PDZRN4: variants seen among roughly 807,000 people sequenced by gnomAD.
PDZRN4 encodes PDZ domain containing ring finger 4.
PDZRN4 carries 70 observed loss-of-function variants against 99.0 expected under a neutral mutation model. The ratio of observed to expected loss-of-function variants is 0.71; its 90% confidence interval spans 0.58 to 0.86. The LOEUF is 0.86. PDZRN4 is among the 40% of genes least tolerant of loss of function. PDZRN4 has a pLI of 0.00. For missense variants in PDZRN4, 1,474 were observed against 1,331.2 expected (o/e 1.11, Z -1.67); for synonymous variants, 551 against 501.6 (o/e 1.10, Z -1.32).
chr12:41,474,533 A>T (rs569706986), intron 3 of PDZRN4, among the ~76,000 whole-genome samples: 41 of 152,332 alleles, frequency 2.7e-4, no homozygotes, highest in African/African-American at 9.4e-4. Flanking sequence ...GATGGAGTTG[A>T]AACTCAAACA....
At chr12:41,418,349 A>G (rs1952461189) in intron 3 of PDZRN4, among the ~76,000 whole-genome samples, 1 of 152,226 alleles carries the variant, frequency 6.6e-6, no homozygotes, top group African/African-American at 2.4e-5. Flanking sequence ...TCTGAAAAGC[A>G]TAACTGGAAG....
intron 3 of PDZRN4, among the ~76,000 whole-genome samples, chr12:41,253,274 T>A (rs1334878468): frequency 6.6e-6 from 1 of 152,186 alleles, no homozygotes; most frequent in Non-Finnish European, 1.5e-5. Flanking sequence ...TTTCTCCCAA[T>A]GTTTTCTTCT....
chr12:41,239,011 T>A (rs1951086970), intron 3 of PDZRN4, among the ~76,000 whole-genome samples: 1 of 152,144 alleles, frequency 6.6e-6, no homozygotes, highest in Non-Finnish European at 1.5e-5. Flanking sequence ...GACACCTACA[T>A]GCATATATTC....
chr12:41,205,948 G>A (rs945165839), intron 3 of PDZRN4, among the ~76,000 whole-genome samples: 2 of 151,820 alleles, frequency 1.3e-5, no homozygotes, highest in African/African-American at 4.8e-5. Flanking sequence ...TCACACAATA[G>A]CTATTCTTTA....
chr12:41,204,158 C>T (rs1950833761), intron 3 of PDZRN4, among the ~76,000 whole-genome samples: 1 of 151,934 alleles, frequency 6.6e-6, no homozygotes, highest in African/African-American at 2.4e-5. Flanking sequence ...AGTCCACTAC[C>T]ACAGAGGTTA....
intron 3 of PDZRN4, among the ~76,000 whole-genome samples, chr12:41,321,175 A>G (rs1299035882): frequency 6.6e-6 from 1 of 152,156 alleles, no homozygotes; most frequent in Non-Finnish European, 1.5e-5. Flanking sequence ...TCTGCTGTTT[A>G]TGTCACAAAA....
intron 3 of PDZRN4, among the ~76,000 whole-genome samples, chr12:41,474,692 G>A (rs757695486): frequency 1.7e-4 from 26 of 152,150 alleles, no homozygotes; most frequent in Non-Finnish European, 2.5e-4. Flanking sequence ...ATGGGAAGTC[G>A]GGTGGAGGAT....
intron 3 of PDZRN4, among the ~76,000 whole-genome samples, chr12:41,473,032 C>T (rs1038143118): frequency 6.6e-6 from 1 of 151,800 alleles, no homozygotes; most frequent in African/African-American, 2.4e-5. Context: ...TATTTCAGAA[C>T]AGAAAAGACA....
intron 3 of PDZRN4, among the ~76,000 whole-genome samples, chr12:41,459,374 A>G (rs1952848695): frequency 6.6e-6 from 1 of 152,240 alleles, no homozygotes; most frequent in Admixed American, 6.5e-5. Flanking sequence ...TGTGCAGCTT[A>G]AAGAGTAGTT....
intron 3 of PDZRN4, among the ~76,000 whole-genome samples, chr12:41,238,823 C>T (rs916351674): frequency 9.9e-5 from 15 of 151,996 alleles, no homozygotes; most frequent in African/African-American, 2.2e-4. Context: ...CAGATGCTGG[C>T]GAGGTTGTAT....
chr12:41,519,757 T>C (rs922149518), intron 5 of PDZRN4, among the ~76,000 whole-genome samples: 1 of 152,150 alleles, frequency 6.6e-6, no homozygotes, highest in Non-Finnish European at 1.5e-5. Flanking sequence ...ATTTGCGTTT[T>C]ACCTCTTAGT....
intron 5 of PDZRN4, among the ~76,000 whole-genome samples, chr12:41,511,060 T>C (rs571007373): frequency 1.3e-5 from 2 of 152,138 alleles, no homozygotes; most frequent in Non-Finnish European, 2.9e-5. Flanking sequence ...TAAAATAAAT[T>C]ATAAAATTGA....
At chr12:41,461,095 A>G (rs938989024) in intron 3 of PDZRN4, among the ~76,000 whole-genome samples, 4 of 152,166 alleles carry the variant, frequency 2.6e-5, no homozygotes, top group South Asian at 2.1e-4. Flanking sequence ...GAGAGACTTG[A>G]GTCATTTGAC....
chr12:41,315,939 G>A (rs1951635508), intron 3 of PDZRN4, among the ~76,000 whole-genome samples: 1 of 152,100 alleles, frequency 6.6e-6, no homozygotes, highest in South Asian at 2.1e-4. Flanking sequence ...CAGTGACCCT[G>A]TGAATGTAAT....
intron 3 of PDZRN4, among the ~76,000 whole-genome samples, chr12:41,211,254 G>A (rs1950886522): frequency 1.3e-5 from 2 of 151,958 alleles, no homozygotes; most frequent in African/African-American, 2.4e-5. Flanking sequence ...GTTGAAAGAT[G>A]ACTAGATTCT....
intron 3 of PDZRN4, among the ~76,000 whole-genome samples, chr12:41,222,449 A>G (rs1315199902): frequency 6.6e-6 from 1 of 152,118 alleles, no homozygotes; most frequent in Non-Finnish European, 1.5e-5. Flanking sequence ...ATTTCGTATA[A>G]AATGAGTTTT....
chr12:41,542,929 T>C (rs1008365296), intron 5 of PDZRN4, among the ~76,000 whole-genome samples: 8 of 152,202 alleles, frequency 5.3e-5, no homozygotes, highest in Non-Finnish European at 1.0e-4. Context: ...ATCATCCTAA[T>C]TTTATAATTG....
intron 3 of PDZRN4, among the ~76,000 whole-genome samples, chr12:41,488,782 T>C (rs999904186): frequency 6.6e-6 from 1 of 152,192 alleles, no homozygotes; most frequent in African/African-American, 2.4e-5. Context: ...AAAACAATAA[T>C]CCATGAAACA....
chr12:41,337,989 G>C (rs1389168988), intron 3 of PDZRN4, among the ~76,000 whole-genome samples: 1 of 151,970 alleles, frequency 6.6e-6, no homozygotes, highest in African/African-American at 2.4e-5. Flanking sequence ...AAACTGCTGG[G>C]CTCAAGCAAT....
Sources: allele counts gnomAD v4.1 joint callset (sites outside exome capture counted in the v4.1 genomes callset), GRCh38; gene constraint gnomAD v4.1.1; transcripts MANE v1.5; gene names NCBI Gene and HGNC (gene_info 2026-07-23, HGNC 2026-07-21).